The following HPSE2 variants were observed in gnomAD, a reference collection of about 807,000 sequenced individuals.
HPSE2 encodes heparanase 2 (inactive), also known as inactive heparanase-2.
HPSE2 carries 38 observed loss-of-function variants against 60.5 expected under a neutral mutation model. That is an observed-to-expected ratio of 0.63 (90% confidence interval 0.48 to 0.82). The LOEUF (loss-of-function observed/expected upper bound fraction) is 0.82. Ranked by LOEUF, HPSE2 falls within the 40% of genes least tolerant of loss-of-function variation. The pLI, the probability that HPSE2 is intolerant of heterozygous loss-of-function variation, is 0.00. For missense variants in HPSE2, 713 were observed against 740.4 expected (o/e 0.96, Z 0.43); for synonymous variants, 295 against 293.2 (o/e 1.01, Z -0.06).
chr10:98,537,200 T>C (rs1281383092), intron 9 of HPSE2, among the ~76,000 whole-genome samples: 1 of 152,170 alleles, frequency 6.6e-6, no homozygotes, highest in Admixed American at 6.5e-5. Context: ...TTCAAACTTA[T>C]GGCAAGGGAA....
At chr10:98,892,612 C>T (rs1953367725) in intron 3 of HPSE2, among the ~76,000 whole-genome samples, 1 of 152,184 alleles carries the variant, frequency 6.6e-6, no homozygotes, top group Admixed American at 6.5e-5. Context: ...AAGATGCTCA[C>T]AACTGGGCCA....
intron 9 of HPSE2, among the ~76,000 whole-genome samples, chr10:98,584,648 A>G (rs2133929078): frequency 6.6e-6 from 1 of 152,298 alleles, no homozygotes; most frequent in African/African-American, 2.4e-5. Context: ...GCTAATCTTA[A>G]CTAAGACCCA....
chr10:98,965,906 T>C (rs1228515507), intron 3 of HPSE2, among the ~76,000 whole-genome samples: 1 of 152,138 alleles, frequency 6.6e-6, no homozygotes, highest in Non-Finnish European at 1.5e-5. Context: ...TTTCTTTTTT[T>C]TGAGATGGAG....
In HPSE2 at chr10:98,742,217, T is replaced by C. The variant is rs184614850; in HGVS notation, c.784+1666A>G. On this transcript the variant is annotated intron_variant, in intron 4 of 11. Coordinates refer to ENST00000370552, the MANE Select transcript of HPSE2 (RefSeq NM_021828.5). ...ACAGGTCTCCATTTGGTCAACTAAC[T>C]ATCCCCAAATTTCCACAGGTAAAGA... 1.4e-4 allele frequency among the ~76,000 whole-genome samples: 21 copies of C among 152,234 alleles called. No individual in the cohort carries two copies. In the East Asian group the frequency reaches 3.9e-3, roughly 28 times the overall value.
chr10:98,732,187 T>C (rs189698893), intron 4 of HPSE2, among the ~76,000 whole-genome samples: 3 of 152,246 alleles, frequency 2.0e-5, no homozygotes, highest in Admixed American at 2.0e-4. Flanking sequence ...AGATTTTGTA[T>C]TGTTAAGATG....
At chr10:98,769,753 G>A (rs1281786705) in intron 3 of HPSE2, among the ~76,000 whole-genome samples, 1 of 152,152 alleles carries the variant, frequency 6.6e-6, no homozygotes, top group Non-Finnish European at 1.5e-5. Context: ...TGGGTACTGA[G>A]TATAATCAAA....
intron 9 of HPSE2, among the ~76,000 whole-genome samples, chr10:98,572,367 C>T (rs1163198310): frequency 6.6e-6 from 1 of 152,182 alleles, no homozygotes; most frequent in Non-Finnish European, 1.5e-5. Context: ...ATAGCATCTG[C>T]ATGTTCCAGA....
intron 3 of HPSE2, among the ~76,000 whole-genome samples, chr10:99,059,377 T>C (rs1037269258): frequency 6.6e-6 from 1 of 152,204 alleles, no homozygotes; most frequent in Non-Finnish European, 1.5e-5. Context: ...TAAATAAATA[T>C]ATATCTGAAA....
chr10:99,239,852 T>C (rs1216962920), upstream of HPSE2, among the ~76,000 whole-genome samples: 2 of 152,090 alleles, frequency 1.3e-5, no homozygotes, highest in East Asian at 3.9e-4. Flanking sequence ...AAATGACATG[T>C]CAAAATAAAG....
chr10:98,490,213 G>C lies in HPSE2; in HGVS notation c.1321-17C>G, dbSNP rs1319775390. 1 of 1,613,552 alleles carries C rather than the reference G, an allele frequency of 6.2e-7. No homozygotes were observed. Among genetic ancestry groups the C allele is most frequent in the Non-Finnish European group, 8.5e-7 (1 of 1,179,790 alleles). On this transcript the variant is annotated splice_polypyrimidine_tract_variant and intron_variant, in intron 9 of 11. Coordinates refer to ENST00000370552, the MANE Select transcript of HPSE2 (RefSeq NM_021828.5). ...CCAGTAGTCCTGAGGAGAATAGAGA[G>C]GGAGAGGGTCAGCGAGAGAACACAT...
intron 3 of HPSE2, among the ~76,000 whole-genome samples, chr10:99,052,879 T>C (rs1356045327): frequency 6.6e-6 from 1 of 151,994 alleles, no homozygotes; most frequent in Non-Finnish European, 1.5e-5. Context: ...AGAGGATTTA[T>C]CTTGAAAAAA....
At chr10:99,304,564 T>C in the HPSE2 span, among the ~76,000 whole-genome samples, 5 of 152,204 alleles carry the variant, frequency 3.3e-5, no homozygotes, top group Admixed American at 2.6e-4. Flanking sequence ...CTGCATCAGA[T>C]ACATTGTAAA....
At chr10:99,283,425 G>A in the HPSE2 span, among the ~76,000 whole-genome samples, 1 of 149,282 alleles carries the variant, frequency 6.7e-6, no homozygotes, top group African/African-American at 2.5e-5. Context: ...GATTGCTTGA[G>A]CCAGGAGGGC....
intron 2 of HPSE2, among the ~76,000 whole-genome samples, chr10:99,217,861 C>G (rs1216209035): frequency 6.6e-6 from 1 of 152,090 alleles, no homozygotes; most frequent in Non-Finnish European, 1.5e-5. Context: ...TTTGGGACTT[C>G]AGATGTGAGC....
At position 99,232,386 on chromosome 10, in the gene HPSE2, C is replaced by G. The variant is rs1458460389; in HGVS notation, c.410G>C (p.Gly137Ala). 2 of 1,551,490 alleles carry G rather than the reference C, an allele frequency of 1.3e-6. No individual in the cohort carries two copies. Among genetic ancestry groups the G allele is most frequent in the Non-Finnish European group, 1.7e-6 (2 of 1,147,054 alleles). ...TTTGAGATAGTAATCCGGGCCCGGG[C>G]CCCCGCGGCTTTTCGCCGGGTTCCT... is the stretch of plus-strand genomic sequence containing the variant. Reference protein sequence around the residue: ...NLRNPAKSRGGPGPDYYLKNY... With the variant: ...NLRNPAKSRGAPGPDYYLKNY... The change falls in exon 2 of 12, where the codon GGC (glycine) becomes GCC (alanine). Residue 137 changes from glycine to alanine, a missense_variant. Physicochemically the swap from Gly to Ala is moderately conservative, Grantham distance 60. Coordinates refer to ENST00000370552, the MANE Select transcript of HPSE2 (RefSeq NM_021828.5).
intron 6 of HPSE2, among the ~76,000 whole-genome samples, chr10:98,645,654 C>T (rs1946747327): frequency 6.6e-6 from 1 of 152,158 alleles, no homozygotes; most frequent in Non-Finnish European, 1.5e-5. Context: ...ATCCAGAATT[C>T]AGTATCACTT....
At chr10:99,107,729 A>G (rs1179626950) in intron 3 of HPSE2, among the ~76,000 whole-genome samples, 2 of 152,234 alleles carry the variant, frequency 1.3e-5, no homozygotes, top group East Asian at 3.9e-4. Flanking sequence ...TACTCAAAAT[A>G]CCAATAGCAC....
intron 2 of HPSE2, among the ~76,000 whole-genome samples, chr10:99,183,230 A>T (rs1847846684): frequency 6.6e-6 from 1 of 152,150 alleles, no homozygotes. Context: ...TTTATAGGAC[A>T]GAGTATAGGA....
intron 3 of HPSE2, among the ~76,000 whole-genome samples, chr10:99,125,422 T>C (rs1009489987): frequency 6.6e-6 from 1 of 152,164 alleles, no homozygotes; most frequent in Non-Finnish European, 1.5e-5. Flanking sequence ...GACTATAATA[T>C]TAGGAAGCTG....
Sources: allele counts gnomAD v4.1 joint callset (sites outside exome capture counted in the v4.1 genomes callset), GRCh38; gene constraint gnomAD v4.1.1; transcripts MANE v1.5; gene names NCBI Gene and HGNC (gene_info 2026-07-23, HGNC 2026-07-21).